The following LRBA variants were observed in gnomAD, a reference collection of about 807,000 sequenced individuals.
The protein encoded by LRBA is lipopolysaccharide-responsive and beige-like anchor protein.
In LRBA, 176 loss-of-function variants were observed where a neutral mutation model predicts 330.0. The ratio of observed to expected loss-of-function variants is 0.53; its 90% CI spans 0.47 to 0.60. The LOEUF (loss-of-function observed/expected upper bound fraction) is 0.60, where lower values mean the gene tolerates loss of function less well. Among genes scored for constraint, LRBA ranks in the 20% least tolerant of loss-of-function variants. LRBA has a pLI of 0.00. For missense variants in LRBA, 3,259 were observed against 3,444.8 expected (o/e 0.95, Z 1.35); for synonymous variants, 1,230 against 1,193.0 (o/e 1.03, Z -0.64).
At chr4:150,990,766 T>C (rs1741982350) in intron 2 of LRBA, among the ~76,000 whole-genome samples, 1 of 151,956 alleles carries the variant, frequency 6.6e-6, no homozygotes, top group Non-Finnish European at 1.5e-5. Flanking sequence ...ATGCCTATAA[T>C]ATCAGCATTT....
chr4:150,524,790 A>G (rs968422722), intron 40 of LRBA, among the ~76,000 whole-genome samples: 3 of 152,146 alleles, frequency 2.0e-5, no homozygotes, highest in Non-Finnish European at 4.4e-5. Flanking sequence ...TGAAATTTAA[A>G]AATATTAATT....
intron 31 of LRBA, among the ~76,000 whole-genome samples, chr4:150,813,139 C>T (rs1578865108): frequency 8.5e-6 from 1 of 118,130 alleles, no homozygotes; most frequent in Non-Finnish European, 1.7e-5. Flanking sequence ...GCCTGGGAAA[C>T]AAAGACAGAC....
At chr4:150,372,396 G>A (rs1019693884) in intron 47 of LRBA, among the ~76,000 whole-genome samples, 25 of 151,874 alleles carry the variant, frequency 1.6e-4, no homozygotes, top group African/African-American at 5.5e-4. Flanking sequence ...GATCACTTAA[G>A]CCCAGGAGTT....
chr4:150,274,961 G>A (rs1746570470), intron 56 of LRBA, among the ~76,000 whole-genome samples: 1 of 152,084 alleles, frequency 6.6e-6, no homozygotes, highest in South Asian at 2.1e-4. Flanking sequence ...CCAAAACCTG[G>A]CAGAGACACA....
chr4:150,637,702 A>C (rs1778060422), intron 37 of LRBA, among the ~76,000 whole-genome samples: 1 of 152,176 alleles, frequency 6.6e-6, no homozygotes, highest in Admixed American at 6.5e-5. Flanking sequence ...CAACTTCATA[A>C]GTGAACTTGA....
chr4:150,321,062 T>G lies in LRBA; in HGVS notation c.7630+129A>C, dbSNP rs543125606. 1.1e-6 allele frequency: 1 copy of G among 888,694 alleles called. No individual in the cohort carries two copies. The highest frequency in any genetic ancestry group is 2.9e-5 in the East Asian group (1 of 34,240). The allele number at this position is 888,694 out of a possible 1,614,324, so 55.1% of individuals were successfully genotyped here. A position where few individuals can be genotyped will look rare whatever the true frequency, so the allele number is the denominator to read the frequency against. On this transcript the variant is annotated intron_variant, in intron 50 of 56. Coordinates refer to ENST00000651943, the MANE Select transcript of LRBA (RefSeq NM_001364905.1). This position sits in a 1 kb window ranked among gnomAD's most constrained non-coding sequence, Gnocchi z 4.5. Reference sequence around the variant, plus strand: ...TGGGCCTTTTTTAAGCCTTTCAAACTATTAAACAATTTGATTCAGACTAAT... The same window carrying G: ...TGGGCCTTTTTTAAGCCTTTCAAACGATTAAACAATTTGATTCAGACTAAT...
At chr4:150,514,245 T>C (rs1762113927) in intron 40 of LRBA, among the ~76,000 whole-genome samples, 1 of 152,162 alleles carries the variant, frequency 6.6e-6, no homozygotes, top group African/African-American at 2.4e-5. Flanking sequence ...GCTAATTTTG[T>C]ATTTTTAGTA....
intron 37 of LRBA, among the ~76,000 whole-genome samples, chr4:150,681,241 A>T (rs1423174709): frequency 1.3e-5 from 2 of 152,236 alleles, no homozygotes; most frequent in African/African-American, 4.8e-5. Flanking sequence ...AGTGAAGAAC[A>T]AAGTACACTG....
At chr4:150,390,812 C>T (rs1274122295) in intron 47 of LRBA, among the ~76,000 whole-genome samples, 1 of 152,150 alleles carries the variant, frequency 6.6e-6, no homozygotes. Flanking sequence ...AAGAAGGTGA[C>T]AGCAATAAGG....
intron 40 of LRBA, among the ~76,000 whole-genome samples, chr4:150,561,001 G>A (rs745719889): frequency 2.0e-5 from 3 of 151,864 alleles, no homozygotes; most frequent in Non-Finnish European, 4.4e-5. Context: ...AAAGAAAAAG[G>A]TTACTATCAG....
chr4:150,429,740 C>T (rs372064858), intron 46 of LRBA, among the ~76,000 whole-genome samples: 1 of 151,940 alleles, frequency 6.6e-6, no homozygotes, highest in African/African-American at 2.4e-5. Context: ...ATCCCATCTC[C>T]CCCAGTCAGA....
intron 48 of LRBA, among the ~76,000 whole-genome samples, chr4:150,342,123 A>G (rs959226822): frequency 1.3e-5 from 2 of 151,998 alleles, no homozygotes; most frequent in Non-Finnish European, 2.9e-5. Context: ...CAAATATTCT[A>G]ATTTTTATCT....
chr4:150,843,465 T>C (rs927829972), intron 28 of LRBA, among the ~76,000 whole-genome samples: 4 of 152,204 alleles, frequency 2.6e-5, no homozygotes, highest in Admixed American at 2.6e-4. Flanking sequence ...TGACTTTAAA[T>C]TGTCTACATA....
At chr4:150,854,749 C>G (rs1261355737) in intron 22 of LRBA, among the ~76,000 whole-genome samples, 1 of 152,072 alleles carries the variant, frequency 6.6e-6, no homozygotes, top group East Asian at 1.9e-4. Flanking sequence ...CAGAGAAGAA[C>G]AAATGCAAAG....
At chr4:150,287,531 C>T (rs545457251) in intron 53 of LRBA, among the ~76,000 whole-genome samples, 2 of 152,322 alleles carry the variant, frequency 1.3e-5, no homozygotes, top group Non-Finnish European at 2.9e-5. Context: ...TCAGGTCTAG[C>T]TTTTCACAGG....
chr4:150,618,825 ATATAT>A (rs1313563699), intron 37 of LRBA, among the ~76,000 whole-genome samples: 6 of 144,122 alleles, frequency 4.2e-5, no homozygotes, highest in Admixed American at 3.0e-4. Context: ...TTATGTATAC[ATATAT>A]TATGTATATG....
At chr4:150,728,083 A>G (rs902366329) in intron 36 of LRBA, among the ~76,000 whole-genome samples, 3 of 152,324 alleles carry the variant, frequency 2.0e-5, no homozygotes, top group Admixed American at 6.5e-5. Context: ...ATGAGCAACT[A>G]TATGTCAATA....
intron 37 of LRBA, among the ~76,000 whole-genome samples, chr4:150,644,491 A>G (rs1180802750): frequency 6.6e-6 from 1 of 151,986 alleles, no homozygotes; most frequent in Admixed American, 6.6e-5. Flanking sequence ...CAGAGAAAAC[A>G]AAATTGTTTA....
intron 47 of LRBA, among the ~76,000 whole-genome samples, chr4:150,395,617 G>T (rs1460097246): frequency 6.6e-6 from 1 of 151,862 alleles, no homozygotes; most frequent in Middle Eastern, 3.2e-3. Flanking sequence ...GCAGTTCCTG[G>T]CTGTCTGTAA....
Sources: allele counts gnomAD v4.1 joint callset (sites outside exome capture counted in the v4.1 genomes callset), GRCh38; gene constraint gnomAD v4.1.1; non-coding constraint Gnocchi (gnomAD v3.1); transcripts MANE v1.5; gene names NCBI Gene and HGNC (gene_info 2026-07-23, HGNC 2026-07-21).